The following RNF135 variants were observed in gnomAD, a reference collection of about 807,000 sequenced individuals.
RNF135 encodes the protein ring finger protein 135.
In RNF135, 46 loss-of-function variants were observed where a neutral mutation model predicts 41.9. The ratio of observed to expected loss-of-function variants is 1.10; its 90% CI spans 0.87 to 1.40. RNF135 has a LOEUF of 1.40. Among genes scored for constraint, RNF135 ranks in the 40% most tolerant of loss-of-function variants. RNF135 has a pLI of 0.00. For missense variants in RNF135, 539 were observed against 549.8 expected, an observed-to-expected ratio of 0.98 and a Z score of 0.20; for synonymous variants, 238 against 223.8, an observed-to-expected ratio of 1.06 and a Z score of -0.57.
At chr17:30,991,420 T>C (rs903666912) in intron 3 of RNF135, among the ~76,000 whole-genome samples, 16 of 147,182 alleles carry the variant, frequency 1.1e-4, no homozygotes, top group Non-Finnish European at 1.7e-4. Context: ...TTCTCTTTCT[T>C]TTTTTTTTTT....
At chr17:30,992,769 T>A (rs73267779) in intron 3 of RNF135, among the ~76,000 whole-genome samples, 22,789 of 152,000 alleles carry the variant, frequency 0.15, 5,269 homozygotes, top group African/African-American at 0.5. Context: ...ACTCAGTTAA[T>A]TTTTTGTTTA....
At chr17:30,967,607 G>T (rs984164180), upstream of RNF135, among the ~76,000 whole-genome samples, 1 of 151,952 alleles carries the variant, frequency 6.6e-6, no homozygotes, top group African/African-American at 2.4e-5. Flanking sequence ...AGTGATAAAA[G>T]ACTTTCATGC....
At chr17:30,981,276 G>A (rs568950979) in intron 1 of RNF135, among the ~76,000 whole-genome samples, 66 of 149,586 alleles carry the variant, frequency 4.4e-4, no homozygotes, top group Non-Finnish European at 6.9e-4. Context: ...AGGAGAATCA[G>A]GCAGGGAGGT....
At chr17:30,970,936 C>A, upstream of RNF135, 1 of 1,204,894 alleles carries the variant, frequency 8.3e-7, no homozygotes, top group Admixed American at 2.1e-5. Context: ...AGGAAGGAGA[C>A]GGGGTGGCGC....
At chr17:30,975,863 G>A (rs558706012) in intron 1 of RNF135, 24 of 782,662 alleles carry the variant, frequency 3.1e-5, no homozygotes, top group African/African-American at 2.6e-4. Flanking sequence ...AGCTCCTAAC[G>A]TATATGGCTT....
intron 2 of RNF135, among the ~76,000 whole-genome samples, chr17:30,985,981 A>G (rs904984747): frequency 4.6e-5 from 7 of 152,122 alleles, no homozygotes; most frequent in African/African-American, 7.2e-5. Flanking sequence ...ATACTTGCTC[A>G]TCCTTCAGAT....
chr17:30,987,478 C>G (rs1243773810), intron 2 of RNF135, among the ~76,000 whole-genome samples: 1 of 152,126 alleles, frequency 6.6e-6, no homozygotes, highest in Non-Finnish European at 1.5e-5. Context: ...GTGTTCTACC[C>G]TCCTCAGCCT....
At chr17:30,997,682 C>G (rs1353951152) in intron 4 of RNF135, among the ~76,000 whole-genome samples, 1 of 152,184 alleles carries the variant, frequency 6.6e-6, no homozygotes, top group African/African-American at 2.4e-5. Context: ...CCATCTCAGT[C>G]TGGGATAGTC....
chr17:30,966,417 TTTTTA>T (rs1359408237), upstream of RNF135, among the ~76,000 whole-genome samples: 13 of 115,302 alleles, frequency 1.1e-4, no homozygotes, highest in African/African-American at 1.1e-3. Flanking sequence ...TTATTTTATT[TTTTTA>T]TTTATTTTTA....
chr17:30,986,625 G>A (rs1034359113), intron 2 of RNF135, among the ~76,000 whole-genome samples: 1 of 152,228 alleles, frequency 6.6e-6, no homozygotes, highest in Non-Finnish European at 1.5e-5. Flanking sequence ...GATGCGATGT[G>A]TTGGGATAGA....
intron 1 of RNF135, among the ~76,000 whole-genome samples, chr17:30,979,777 C>G (rs1375860117): frequency 7.5e-6 from 1 of 133,202 alleles, no homozygotes; most frequent in Non-Finnish European, 1.7e-5. Flanking sequence ...CCCCTCCCCC[C>G]TCCCGGACGG....
Position 30,999,367 on chromosome 17 carries a change from G to A in RNF135, c.*176G>A. ...GGTCTCAAGCAGTCCTCCCACCTCA[G>A]CCTCCCAAGGTGCTGGGATTACAGG... On this transcript the variant is annotated 3_prime_UTR_variant, in exon 5 of 5. Transcript: ENST00000328381. 1.5e-6 allele frequency: 1 copy of A among 675,638 alleles called. No individual in the cohort carries two copies. Among genetic ancestry groups the A allele is most frequent in the Non-Finnish European group, 2.6e-6 (1 of 389,006 alleles). 41.9% of individuals were successfully genotyped at this position (675,638 alleles called of 1,614,324 possible).
chr17:30,987,765 G>A (rs997738356), intron 2 of RNF135, among the ~76,000 whole-genome samples, 179 bp from the exon 3 acceptor site: 2 of 134,490 alleles, frequency 1.5e-5, no homozygotes, highest in Non-Finnish European at 2.9e-5. Flanking sequence ...GCTGTACTAT[G>A]TACAGCAAAT....
At chr17:30,983,570 T>G (rs1213797459) in intron 1 of RNF135, among the ~76,000 whole-genome samples, 1 of 151,092 alleles carries the variant, frequency 6.6e-6, no homozygotes, top group African/African-American at 2.4e-5. Flanking sequence ...GCCAGGATGA[T>G]CTCGAACTCT....
chr17:30,987,203 A>T (rs1356176895), intron 2 of RNF135, among the ~76,000 whole-genome samples: 3 of 151,816 alleles, frequency 2.0e-5, no homozygotes, highest in Non-Finnish European at 4.4e-5. Context: ...AAGTGAAATG[A>T]TATAATGATA....
At chr17:30,976,398 G>C (rs1423674388) in intron 1 of RNF135, among the ~76,000 whole-genome samples, 1 of 152,224 alleles carries the variant, frequency 6.6e-6, no homozygotes, top group East Asian at 1.9e-4. Flanking sequence ...GAATGATCAT[G>C]TGCTGAGGAA....
intron 3 of RNF135, among the ~76,000 whole-genome samples, chr17:30,992,088 C>T (rs78678729): frequency 1.3e-5 from 2 of 152,054 alleles, no homozygotes; most frequent in African/African-American, 4.8e-5. Flanking sequence ...TGTGCCACCA[C>T]ACCTGGCTAA....
intron 3 of RNF135, among the ~76,000 whole-genome samples, chr17:30,996,165 C>G (rs1908344517): frequency 6.8e-6 from 1 of 146,436 alleles, no homozygotes; most frequent in Non-Finnish European, 1.5e-5. Context: ...TCTCGGCTGA[C>G]TGCAAACTCC....
At chr17:30,997,219 CTG>C in intron 3 of RNF135, 21 bp from the exon 4 acceptor site, 1 of 1,600,212 alleles carries the variant, frequency 6.2e-7, no homozygotes, top group Non-Finnish European at 8.6e-7. Context: ...GGACTTTCCT[CTG>C]TTAATTTTTT....
Sources: allele counts gnomAD v4.1 joint callset (sites outside exome capture counted in the v4.1 genomes callset), GRCh38; gene constraint gnomAD v4.1.1; transcripts MANE v1.5; gene names NCBI Gene and HGNC (gene_info 2026-07-23, HGNC 2026-07-21).